HMCN1: variants seen among roughly 807,000 people sequenced by gnomAD.
The protein encoded by HMCN1 is hemicentin 1.
HMCN1 carries 321 observed loss-of-function variants against 625.9 expected under a neutral mutation model. That is an observed-to-expected ratio of 0.51 (90% CI 0.47 to 0.56). HMCN1 has a LOEUF of 0.56. HMCN1 is among the 20% of genes least tolerant of loss of function. The probability of loss-of-function intolerance (pLI) is 0.00; values close to 1 mark genes in which losing one functional copy is unlikely to be tolerated. For missense variants in HMCN1, 6,588 were observed against 6,887.3 expected, an observed-to-expected ratio of 0.96 and a Z score of 1.54; for synonymous variants, 2,425 against 2,417.6, an observed-to-expected ratio of 1.00 and a Z score of -0.09.
chr1:185,980,533 C>T (rs1479422321), intron 16 of HMCN1, among the ~76,000 whole-genome samples: 1 of 152,132 alleles, frequency 6.6e-6, no homozygotes, highest in Non-Finnish European at 1.5e-5. Context: ...CACTGAATGC[C>T]AGCAGACTTC....
rs1483973256 is a variant in HMCN1, at chr1:185,984,177, A to T, written c.2799A>T (p.Gln933His). 1.2e-6 allele frequency: 2 copies of T among 1,613,284 alleles called. No individual in the cohort carries two copies. Among genetic ancestry groups the T allele is most frequent in the East Asian group, 4.5e-5 (2 of 44,860 alleles). ...TTTTTTTTTCCTTTAAGTTGCTCCAAAATCCTTACATCACTGTGCGCAGTG... is the reference window on the plus strand; with the variant it reads ...TTTTTTTTTCCTTTAAGTTGCTCCATAATCCTTACATCACTGTGCGCAGTG... ...RWIKNSAMLL[Q>H]NPYITVRSDG... Residue 933 changes from glutamine (Q) to histidine (H), a missense_variant, in exon 19 of 107, where the codon CAA becomes CAT. Transcript: ENST00000271588.
At chr1:185,751,313 C>CTATAT (rs1460596941) in intron 1 of HMCN1, among the ~76,000 whole-genome samples, 16 of 152,152 alleles carry the variant, frequency 1.1e-4, no homozygotes, top group African/African-American at 3.6e-4. Context: ...TCTAACTTAG[C>CTATAT]CCATTGAAGA....
intron 23 of HMCN1, 121 bp downstream of exon 23, chr1:185,993,430 C>A (rs778920269): frequency 7.9e-5 from 85 of 1,071,272 alleles, no homozygotes; most frequent in Non-Finnish European, 1.1e-4. Flanking sequence ...GAAAAAAATT[C>A]TCTAAAATCT....
intron 97 of HMCN1, among the ~76,000 whole-genome samples, chr1:186,156,750 C>T (rs1558266340): frequency 6.6e-6 from 1 of 152,084 alleles, no homozygotes; most frequent in African/African-American, 2.4e-5. Flanking sequence ...AAGTAGGAAA[C>T]AAATATGTAA....
At chr1:185,841,192 A>G (rs1373745293) in intron 1 of HMCN1, among the ~76,000 whole-genome samples, 1 of 152,214 alleles carries the variant, frequency 6.6e-6, no homozygotes, top group African/African-American at 2.4e-5. Flanking sequence ...AGGAAATGGG[A>G]AATAATAAAA....
At position 186,171,941 on chromosome 1, in the gene HMCN1, G is replaced by T; in HGVS notation, c.15689-65G>T. 2.7e-6 allele frequency: 4 copies of T among 1,505,278 alleles called. No homozygotes were observed. The South Asian group carries it at 4.6e-5, about 17-fold the overall frequency. 93.2% of individuals were successfully genotyped at this position (1,505,278 alleles called of 1,614,324 possible). On this transcript the variant is annotated intron_variant, in intron 101 of 106. Transcript: ENST00000271588. ...TAATATCCCTAAAATCCAAAAGTAT[G>T]ATTTCTCTGGAAAAGTTGAATAAAT...
chr1:186,016,723 G>C (rs1244541922), intron 32 of HMCN1, among the ~76,000 whole-genome samples: 1 of 151,882 alleles, frequency 6.6e-6, no homozygotes, highest in Admixed American at 6.6e-5. Flanking sequence ...TATTCACCTG[G>C]CATCAGTGGC....
chr1:186,045,890 C>T (rs1185143360), intron 41 of HMCN1, 27 bp downstream of exon 41: 1 of 1,521,184 alleles, frequency 6.6e-7, no homozygotes. Flanking sequence ...ATTTATTTTA[C>T]CTTATGTTAT....
rs1430343760 is a variant in HMCN1 at position 186,001,644 on chromosome 1, G to T, written c.4251G>T (p.Lys1417Asn). 1.6e-5 allele frequency: 26 copies of T among 1,613,062 alleles called. No homozygotes were observed. The highest frequency in any genetic ancestry group is 2.2e-5 in the Non-Finnish European group (26 of 1,179,266). Residue 1417 changes from lysine (K) to asparagine (N), a missense_variant, in exon 28 of 107, where the codon AAG becomes AAT. This residue lies in a region of HMCN1 where 4,628 missense variants were observed against 4,853.1 expected (regional missense o/e 0.95). Transcript: ENST00000271588. ...IQTVNNGKIL[K>N]LFRATPEDAG... ...CTGTGAACAATGGGAAGATACTGAAGCTCTTCAGAGCCACTCCAGAGGATG... is the reference window on the plus strand; with the variant it reads ...CTGTGAACAATGGGAAGATACTGAATCTCTTCAGAGCCACTCCAGAGGATG...
At chr1:185,921,101 C>T (rs1021916932) in intron 6 of HMCN1, among the ~76,000 whole-genome samples, 1 of 151,982 alleles carries the variant, frequency 6.6e-6, no homozygotes, top group African/African-American at 2.4e-5. Context: ...GAATTCATAA[C>T]ACATATTCAT....
At chr1:185,933,862 T>A (rs369141740) in intron 11 of HMCN1, 38 bp downstream of exon 11, 1 of 1,598,342 alleles carries the variant, frequency 6.3e-7, no homozygotes, top group South Asian at 1.1e-5. Flanking sequence ...ATGACATCTT[T>A]CTGTCCTCTA....
At chr1:185,923,756 TATTATTACTGCATCACCAAATTG>T in intron 8 of HMCN1, 103 bp downstream of exon 8, 1 of 961,610 alleles carries the variant, frequency 1.0e-6, no homozygotes, top group African/African-American at 1.6e-5. Context: ...AATGTCTTCA[TATTATTACTGCATCACCAAATTG>T]ATGGATATTT....
intron 64 of HMCN1, among the ~76,000 whole-genome samples, chr1:186,092,805 T>C (rs973100881): frequency 4.6e-5 from 7 of 152,096 alleles, no homozygotes; most frequent in African/African-American, 1.7e-4. Flanking sequence ...TTTTTCAGTT[T>C]CTCATTGTAA....
At chr1:186,186,988 T>A (rs1309754343) in intron 105 of HMCN1, among the ~76,000 whole-genome samples, 7 of 111,452 alleles carry the variant, frequency 6.3e-5, no homozygotes, top group Admixed American at 1.9e-4. Context: ...ATTCTCTGTC[T>A]CTGTCTCACA....
At chr1:186,019,463 C>A in intron 34 of HMCN1, 78 bp from the exon 35 acceptor site, 1 of 996,866 alleles carries the variant, frequency 1.0e-6, no homozygotes, top group Non-Finnish European at 1.6e-6. Context: ...TTTAAGGTTT[C>A]AGGTTCTTGC....
At chr1:185,782,424 G>A (rs1657194896) in intron 1 of HMCN1, among the ~76,000 whole-genome samples, 1 of 152,154 alleles carries the variant, frequency 6.6e-6, no homozygotes, top group Admixed American at 6.5e-5. Flanking sequence ...ATTAGTTGAT[G>A]CAGATTCTTC....
intron 11 of HMCN1, among the ~76,000 whole-genome samples, chr1:185,941,366 T>A (rs1668072083): frequency 6.6e-6 from 1 of 152,170 alleles, no homozygotes; most frequent in Non-Finnish European, 1.5e-5. Context: ...TTAACAAGCA[T>A]CTACCACATG....
At chr1:186,090,431 A>G (rs1175328233) in intron 63 of HMCN1, among the ~76,000 whole-genome samples, 1 of 151,890 alleles carries the variant, frequency 6.6e-6, no homozygotes, top group Non-Finnish European at 1.5e-5. Flanking sequence ...TGCCTTACCT[A>G]TGTGCTTGTG....
At chr1:186,004,982 T>TATACCTCTCCATACCTGTTATA (rs1653456354) in intron 29 of HMCN1, among the ~76,000 whole-genome samples, 1 of 151,704 alleles carries the variant, frequency 6.6e-6, no homozygotes, top group Non-Finnish European at 1.5e-5. Flanking sequence ...TGTTATAGAG[T>TATACCTCTCCATACCTGTTATA]GAAAGAAAAG....
Sources: gnomAD v4.1 joint callset for allele counts (sites outside exome capture counted in the v4.1 genomes callset) on GRCh38, gnomAD v4.1.1 for gene constraint, gnomAD v4.1.1 regional missense constraint, MANE v1.5 for transcripts, NCBI Gene and HGNC (gene_info 2026-07-23, HGNC 2026-07-21) for gene names.